Variants in EML4 observed in about 807,000 individuals in gnomAD.
EML4 encodes echinoderm microtubule-associated protein-like 4.
In EML4, 72 loss-of-function variants were observed where a neutral mutation model predicts 129.0. The observed-to-expected ratio is 0.56, with a 90% CI of 0.46 to 0.68. The LOEUF is 0.68. Ranked by LOEUF, EML4 falls within the 30% of genes least tolerant of loss-of-function variation. EML4 has a pLI of 0.00. For synonymous variants in EML4, 532 were observed against 405.0 expected (o/e 1.31, Z -3.77); for missense variants, 1,363 against 1,190.6 (o/e 1.14, Z -2.13).
chr2:42,316,532 A>G (rs28627818), intron 18 of EML4, among the ~76,000 whole-genome samples: 37,611 of 152,172 alleles, frequency 0.25, 5,598 homozygotes, highest in East Asian at 0.56. Context: ...ATACTTAGCA[A>G]TTCTCTATAA....
In EML4 at chr2:42,323,428, G is replaced by C. The variant is rs531002948; in HGVS notation, c.2155-2039G>C. ...TTTTCCAATATACCGCTTAATTCTA[G>C]TGATTTCAGAAAGCTTCACTTCTCA... On this transcript the variant is annotated intron_variant, in intron 19 of 22. Coordinates refer to ENST00000318522, the MANE Select transcript of EML4 (RefSeq NM_019063.5). 4.6e-5 allele frequency among the ~76,000 whole-genome samples: 7 copies of C among 152,250 alleles called. 1 individual carries two copies. Among genetic ancestry groups the C allele is most frequent in the African/African-American group, 1.7e-4 (7 of 41,558 alleles).
At chr2:42,257,113 T>G (rs1052449691) in intron 3 of EML4, among the ~76,000 whole-genome samples, 12 of 151,956 alleles carry the variant, frequency 7.9e-5, no homozygotes, top group Non-Finnish European at 1.8e-4. Context: ...CTGGGGTGTG[T>G]GGGGGTGTAT....
intron 13 of EML4, among the ~76,000 whole-genome samples, chr2:42,297,438 T>A (rs1351782498): frequency 2.0e-5 from 3 of 152,104 alleles, no homozygotes; most frequent in Non-Finnish European, 4.4e-5. Flanking sequence ...CTTTGAAAAA[T>A]TTGTGGCTCA....
In EML4 at chr2:42,305,337, C is replaced by G. The variant is rs1221638443; in HGVS notation, c.1967+786C>G. On this transcript the variant is annotated intron_variant, in intron 17 of 22. Transcript: ENST00000318522. ...AATGATGGGAGATTAAGAGGGAGTG[C>G]AGTTGCAAAATGATAGAGTGGTCAT... is the stretch of plus-strand genomic sequence containing the variant. Among the ~76,000 whole-genome samples, 2 of 152,128 alleles carry G rather than the reference C, an allele frequency of 1.3e-5. 1 individual carries two copies. The highest frequency in any genetic ancestry group is 3.8e-4 in the East Asian group (2 of 5,200).
chr2:42,249,103 C>T (rs1675604673), intron 2 of EML4, among the ~76,000 whole-genome samples: 1 of 152,090 alleles, frequency 6.6e-6, no homozygotes, highest in Non-Finnish European at 1.5e-5. Flanking sequence ...TAGATCATCT[C>T]AGTTTTGATA....
intron 17 of EML4, among the ~76,000 whole-genome samples, chr2:42,310,073 A>G (rs943867128): frequency 3.9e-5 from 6 of 152,204 alleles, no homozygotes; most frequent in African/African-American, 1.4e-4. Flanking sequence ...TTACAGCACC[A>G]TTTGTTGAAA....
At chr2:42,320,880 A>G (rs746593159) in intron 19 of EML4, among the ~76,000 whole-genome samples, 32 of 152,180 alleles carry the variant, frequency 2.1e-4, no homozygotes, top group Non-Finnish European at 4.1e-4. Flanking sequence ...AAGCATTACA[A>G]AATCTCTTGG....
Position 42,330,216 on chromosome 2 carries a change from C to G in EML4, c.*9C>G, listed in dbSNP as rs1458080547. 6.2e-7 allele frequency: 1 copy of G among 1,610,566 alleles called. No individual in the cohort carries two copies. The stretch of plus-strand genomic sequence containing the variant: ...CTTCGCCCTCGTCCTAACACCCTGG[C>G]TTCAGTGCAACTCTTTTCCTTCAGC... On this transcript the variant is annotated 3_prime_UTR_variant, in exon 23 of 23. Transcript: ENST00000318522.
rs528555724 is a variant in EML4, at chr2:42,224,643, G to T, written c.26-20862G>T. ...AACTGCCAGATTGTTTTCCAAAGTGGCTGTACTGTTTACATTCCCACTAGC... is the reference window on the plus strand; with the variant it reads ...AACTGCCAGATTGTTTTCCAAAGTGTCTGTACTGTTTACATTCCCACTAGC... On this transcript the variant is annotated intron_variant, in intron 1 of 22. Coordinates refer to ENST00000318522, the MANE Select transcript of EML4 (RefSeq NM_019063.5). Among the ~76,000 whole-genome samples, 3 of 152,124 alleles carry T rather than the reference G, an allele frequency of 2.0e-5. No homozygotes were observed. In the East Asian group the frequency reaches 5.8e-4, roughly 29 times the overall value.
chr2:42,276,259 T>G (rs1175487298), intron 6 of EML4, among the ~76,000 whole-genome samples: 3 of 152,134 alleles, frequency 2.0e-5, no homozygotes, highest in Non-Finnish European at 4.4e-5. Flanking sequence ...ATTGGCAGGT[T>G]TCACAATAAA....
At chr2:42,226,612 G>A (rs918003673) in intron 1 of EML4, among the ~76,000 whole-genome samples, 2 of 151,882 alleles carry the variant, frequency 1.3e-5, no homozygotes, top group South Asian at 2.1e-4. Flanking sequence ...AGGTGAGATC[G>A]TGCCATTGCA....
In EML4 at chr2:42,256,555, G is replaced by T; in HGVS notation, c.263G>T (p.Gly88Val). The change falls in exon 3 of 23, where the codon GGT becomes GTT. Residue 88 changes from glycine to valine, a missense_variant. Coordinates refer to ENST00000318522, the MANE Select transcript of EML4 (RefSeq NM_019063.5). ...IPMSCITNGS[G>V]ANRKPSHTSA... ...ATGTCCTGTATAACCAATGGAAGTG[G>T]TGCAAACAGAAAACCAAGTCATACC... 2 of 1,613,810 alleles carry T rather than the reference G, an allele frequency of 1.2e-6. No homozygotes were observed. Among genetic ancestry groups the T allele is most frequent in the East Asian group, 4.5e-5 (2 of 44,852 alleles).
intron 17 of EML4, among the ~76,000 whole-genome samples, chr2:42,310,310 C>CCCCTTT (rs909295797): frequency 9.3e-5 from 14 of 151,238 alleles, no homozygotes; most frequent in Non-Finnish European, 1.8e-4. Context: ...CCTTTCCCTT[C>CCCCTTT]CCCTTTCCCT....
chr2:42,305,351 T>G (rs1011380928), intron 17 of EML4, among the ~76,000 whole-genome samples: 1 of 152,222 alleles, frequency 6.6e-6, no homozygotes, highest in African/African-American at 2.4e-5. Flanking sequence ...TGCAAAATGA[T>G]AGAGTGGTCA....
Position 42,280,881 on chromosome 2 carries a change from T to A in EML4, c.699T>A (p.Gly233=). Reference sequence around the variant, plus strand: ...AATATATTAAAATGTTTATGCGCGGTCGGCCAATTACCATGTTCATTCCTT... The same window carrying A: ...AATATATTAAAATGTTTATGCGCGGACGGCCAATTACCATGTTCATTCCTT... ...EGEYIKMFMR[G]RPITMFIPSD... The change falls in exon 7 of 23, where the codon GGT becomes GGA. Residue 233 remains glycine (G), a synonymous_variant. Transcript: ENST00000318522. The A allele has an allele frequency of 6.2e-7, 1 of 1,612,092 alleles. No individual in the cohort carries two copies. The highest frequency in any genetic ancestry group is 8.5e-7 in the Non-Finnish European group (1 of 1,179,036).
intron 1 of EML4, among the ~76,000 whole-genome samples, chr2:42,216,970 A>C (rs1224540798): frequency 6.6e-6 from 1 of 152,248 alleles, no homozygotes; most frequent in Non-Finnish European, 1.5e-5. Context: ...GTTGATTTTG[A>C]AACTGCAAAA....
At chr2:42,267,245 G>A (rs1026765186) in intron 6 of EML4, among the ~76,000 whole-genome samples, 4 of 152,110 alleles carry the variant, frequency 2.6e-5, no homozygotes, top group Admixed American at 6.5e-5. Context: ...TATGAATTTG[G>A]CAGTAAAACC....
At chr2:42,208,286 T>G (rs1036802242) in intron 1 of EML4, among the ~76,000 whole-genome samples, 6 of 152,104 alleles carry the variant, frequency 3.9e-5, no homozygotes, top group Admixed American at 1.3e-4. Flanking sequence ...AATTTTGCCT[T>G]ACATCATTTA....
chr2:42,265,193 T>A (rs1230640022), intron 6 of EML4, among the ~76,000 whole-genome samples: 1 of 151,966 alleles, frequency 6.6e-6, no homozygotes, highest in Non-Finnish European at 1.5e-5. Flanking sequence ...TGGGGTCAAG[T>A]GATTCTTGTG....
Sources: allele counts gnomAD v4.1 joint callset (sites outside exome capture counted in the v4.1 genomes callset), GRCh38; gene constraint gnomAD v4.1.1; transcripts MANE v1.5; gene names NCBI Gene and HGNC (gene_info 2026-07-23, HGNC 2026-07-21).